Variants in DENND4C observed in about 807,000 individuals in gnomAD.
DENND4C encodes DENN domain containing 4C.
Under a neutral mutation model 203.0 loss-of-function variants are expected in DENND4C, and 108 were observed. The ratio of observed to expected loss-of-function variants is 0.53; its 90% CI spans 0.46 to 0.62. DENND4C has a LOEUF of 0.62. Ranked by LOEUF, DENND4C falls within the 20% of genes least tolerant of loss-of-function variation. DENND4C has a pLI of 0.00. For synonymous variants in DENND4C, 871 were observed against 792.4 expected, an observed-to-expected ratio of 1.10 and a Z score of -1.67; for missense variants, 2,481 against 2,301.2, an observed-to-expected ratio of 1.08 and a Z score of -1.60.
intron 10 of DENND4C, among the ~76,000 whole-genome samples, chr9:19,305,783 G>C (rs1839536674): frequency 6.6e-6 from 1 of 152,172 alleles, no homozygotes; most frequent in Non-Finnish European, 1.5e-5. Flanking sequence ...ATGTTTATCA[G>C]AAGAGACTAT....
chr9:19,359,877 G>C (rs1715614248), intron 28 of DENND4C, among the ~76,000 whole-genome samples: 1 of 152,104 alleles, frequency 6.6e-6, no homozygotes, highest in South Asian at 2.1e-4. Flanking sequence ...CATCAGTTTA[G>C]AGTTGTAGGA....
intron 1 of DENND4C, among the ~76,000 whole-genome samples, chr9:19,244,716 G>A (rs1005239552): frequency 6.7e-6 from 1 of 149,032 alleles, no homozygotes; most frequent in Non-Finnish European, 1.5e-5. Flanking sequence ...CTCCAGCCTG[G>A]GTGACAGAGC....
intron 30 of DENND4C, among the ~76,000 whole-genome samples, chr9:19,362,944 T>C (rs1016177051): frequency 3.3e-5 from 5 of 152,242 alleles, no homozygotes; most frequent in African/African-American, 1.2e-4. Context: ...ATTAAGCAGC[T>C]TTCAAACTGT....
intron 30 of DENND4C, among the ~76,000 whole-genome samples, chr9:19,368,206 G>A (rs1588999113): frequency 6.6e-6 from 1 of 150,410 alleles, no homozygotes; most frequent in Non-Finnish European, 1.5e-5. Flanking sequence ...GACCTAGGAT[G>A]AAAACTCATA....
At chr9:19,357,230 A>G (rs759444908) in intron 27 of DENND4C, 76 bp downstream of exon 27, 2 of 1,452,924 alleles carry the variant, frequency 1.4e-6, no homozygotes, top group African/African-American at 2.8e-5. Flanking sequence ...TCTAAAGACA[A>G]CCTGACTCAT....
intron 20 of DENND4C, among the ~76,000 whole-genome samples, chr9:19,339,668 A>T (rs1821182842): frequency 6.6e-6 from 1 of 152,178 alleles, no homozygotes; most frequent in African/African-American, 2.4e-5. Flanking sequence ...TTTTTGAAAG[A>T]ACACTCTGAG....
chr9:19,343,014 T>C (rs1392570453), intron 22 of DENND4C, among the ~76,000 whole-genome samples: 3 of 152,130 alleles, frequency 2.0e-5, no homozygotes, highest in African/African-American at 4.8e-5. Flanking sequence ...TTTCCTGTTG[T>C]GGTGCCTGTC....
At chr9:19,310,696 C>T (rs1043238390) in intron 10 of DENND4C, among the ~76,000 whole-genome samples, 6 of 151,802 alleles carry the variant, frequency 4.0e-5, no homozygotes, top group African/African-American at 1.5e-4. Flanking sequence ...TTGTGATCTT[C>T]TTATAGTTGA....
intron 31 of DENND4C, 56 bp from the exon 32 acceptor site, chr9:19,371,700 C>A: frequency 2.3e-6 from 2 of 870,244 alleles, no homozygotes; most frequent in Non-Finnish European, 3.7e-6. Flanking sequence ...AAAAAAAATG[C>A]ATCTGTGTTT....
intron 1 of DENND4C, among the ~76,000 whole-genome samples, chr9:19,265,003 C>T (rs1830195445): frequency 6.6e-6 from 1 of 152,058 alleles, no homozygotes; most frequent in East Asian, 1.9e-4. Flanking sequence ...TCATTTGTTT[C>T]AAGAAATTTT....
intron 23 of DENND4C, among the ~76,000 whole-genome samples, chr9:19,349,575 T>C (rs939063309): frequency 2.6e-5 from 4 of 152,182 alleles, no homozygotes; most frequent in African/African-American, 9.7e-5. Flanking sequence ...AAATAGGAGA[T>C]ACCTAATAAA....
At chr9:19,340,848 AT>A in intron 20 of DENND4C, 143 bp from the exon 21 acceptor site, 1 of 588,790 alleles carries the variant, frequency 1.7e-6, no homozygotes, top group Non-Finnish European at 2.6e-6. Context: ...TATTTTTAAA[AT>A]GTTCTGTGTT....
chr9:19,300,417 G>T, intron 9 of DENND4C, 86 bp downstream of exon 9: 3 of 1,256,012 alleles, frequency 2.4e-6, no homozygotes, highest in Non-Finnish European at 3.1e-6. Flanking sequence ...CAGCAACTTT[G>T]TAAACAACAA....
At position 19,350,767 on chromosome 9, in the gene DENND4C, A is replaced by G; in HGVS notation, c.4383A>G (p.Ile1461Met). Residue 1461 changes from isoleucine (I) to methionine (M), a missense_variant, in exon 24 of 33, where the codon ATA becomes ATG. Transcript: ENST00000434457. ...AAGACCATATTTTGGGGGAGAATAT[A>G]TCGCCTAACACAAGTATCTCAGGGT... ...GLEDHILGENISPNTSISGLV... is the reference protein window; with the variant it reads ...GLEDHILGENMSPNTSISGLV... 6.2e-7 allele frequency: 1 copy of G among 1,614,090 alleles called. No individual in the cohort carries two copies.
At chr9:19,357,729 C>A in intron 27 of DENND4C, 2 of 375,288 alleles carry the variant, frequency 5.3e-6, no homozygotes, top group South Asian at 7.9e-5. Flanking sequence ...AAAATAATAC[C>A]TGTATATCTA....
chr9:19,341,334 G>A (rs1397988948), intron 21 of DENND4C, among the ~76,000 whole-genome samples: 2 of 141,028 alleles, frequency 1.4e-5, no homozygotes, highest in South Asian at 2.2e-4. Context: ...TTTTTTTGAG[G>A]CAGGGTCTTG....
chr9:19,348,384 G>A (rs1166594806), intron 23 of DENND4C, among the ~76,000 whole-genome samples: 3 of 152,130 alleles, frequency 2.0e-5, no homozygotes, highest in Non-Finnish European at 2.9e-5. Context: ...CAGGTTGGGG[G>A]CTATCCAGAA....
chr9:19,320,416 C>G (rs774659373), intron 12 of DENND4C, among the ~76,000 whole-genome samples: 1 of 152,178 alleles, frequency 6.6e-6, no homozygotes. Context: ...CCAGACTGGT[C>G]TCGAACTCCT....
At chr9:19,347,151 A>T in intron 23 of DENND4C, 65 bp downstream of exon 23, 1 of 1,435,070 alleles carries the variant, frequency 7.0e-7, no homozygotes, top group Non-Finnish European at 9.5e-7. Flanking sequence ...TTCTAGAAAT[A>T]TATGTATTCT....
Sources: gnomAD v4.1 joint callset for allele counts (sites outside exome capture counted in the v4.1 genomes callset) on GRCh38, gnomAD v4.1.1 for gene constraint, MANE v1.5 for transcripts, NCBI Gene and HGNC (gene_info 2026-07-23, HGNC 2026-07-21) for gene names.